Variants in GPC6 observed in about 807,000 individuals in gnomAD.
The protein encoded by GPC6 is glypican 6.
In GPC6, 14 loss-of-function variants were observed where a neutral mutation model predicts 55.2. That is an observed-to-expected ratio of 0.25 (90% CI 0.17 to 0.40). The LOEUF (loss-of-function observed/expected upper bound fraction) is 0.40, where lower values mean the gene tolerates loss of function less well. Among genes scored for constraint, GPC6 ranks in the 10% least tolerant of loss-of-function variants. The pLI, the probability that GPC6 is intolerant of heterozygous loss-of-function variation, is 1.00. For synonymous variants in GPC6, 278 were observed against 259.6 expected, an observed-to-expected ratio of 1.07 and a Z score of -0.68; for missense variants, 641 against 708.5, an observed-to-expected ratio of 0.90 and a Z score of 1.08.
At chr13:93,423,111 A>G (rs1876987251) in intron 1 of GPC6, among the ~76,000 whole-genome samples, 1 of 152,140 alleles carries the variant, frequency 6.6e-6, no homozygotes, top group Non-Finnish European at 1.5e-5. Context: ...CCTCTTTCAG[A>G]GTCCCTATAA....
intron 1 of GPC6, among the ~76,000 whole-genome samples, chr13:93,484,731 G>A (rs1193167320): frequency 6.6e-6 from 1 of 152,010 alleles, no homozygotes; most frequent in African/African-American, 2.4e-5. Context: ...TAAATTAAAT[G>A]ATAATGAAAT....
chr13:94,363,405 G>C (rs1014008283), intron 6 of GPC6, among the ~76,000 whole-genome samples: 1 of 152,120 alleles, frequency 6.6e-6, no homozygotes, highest in Non-Finnish European at 1.5e-5. Flanking sequence ...ACCTAACTTC[G>C]ATTCAGTTCT....
Position 93,393,868 on chromosome 13 carries a change from A to AT in GPC6, c.161-151385dup, listed in dbSNP as rs34053387. Among the ~76,000 whole-genome samples, 849 of 151,088 alleles carry AT rather than the reference A, an allele frequency of 5.6e-3. 5 individuals carry two copies. The highest frequency in any genetic ancestry group is 0.02 in the African/African-American group (812 of 41,042). ...TGTGGTTCATAGAAAGTCAACATTA[A>AT]TTTTTTTTTTCTTATTCCTTCCTCA... On this transcript the variant is annotated intron_variant, in intron 1 of 8. Coordinates refer to ENST00000377047, the MANE Select transcript of GPC6 (RefSeq NM_005708.5).
At chr13:93,984,877 G>T (rs1880955534) in intron 3 of GPC6, among the ~76,000 whole-genome samples, 1 of 152,122 alleles carries the variant, frequency 6.6e-6, no homozygotes, top group Admixed American at 6.5e-5. Flanking sequence ...AACTGGCTCT[G>T]AATTCATTTG....
chr13:93,854,606 G>T (rs1888532130), intron 3 of GPC6, among the ~76,000 whole-genome samples: 1 of 151,592 alleles, frequency 6.6e-6, no homozygotes, highest in Admixed American at 6.6e-5. Flanking sequence ...TTATATAGTT[G>T]AGATATTTTC....
intron 3 of GPC6, among the ~76,000 whole-genome samples, chr13:93,940,655 C>T (rs1188739526): frequency 6.6e-6 from 1 of 151,998 alleles, no homozygotes. Flanking sequence ...CCTGTAAAAT[C>T]CTTGATTTGA....
chr13:94,177,517 A>G (rs1386589419), intron 4 of GPC6, among the ~76,000 whole-genome samples: 1 of 152,176 alleles, frequency 6.6e-6, no homozygotes, highest in East Asian at 1.9e-4. Flanking sequence ...GAGTTAGCAA[A>G]CATCAAAGTA....
chr13:94,320,603 G>T (rs1876770829), intron 6 of GPC6, among the ~76,000 whole-genome samples: 1 of 152,100 alleles, frequency 6.6e-6, no homozygotes, highest in Non-Finnish European at 1.5e-5. Context: ...GTCACTTTAG[G>T]GAAGCCCTGT....
At chr13:94,288,932 TAGATAGATAGATAG>T (rs1874774646) in intron 5 of GPC6, among the ~76,000 whole-genome samples, 1 of 112,956 alleles carries the variant, frequency 8.9e-6, no homozygotes, top group Non-Finnish European at 1.7e-5. Flanking sequence ...ATAACAAATA[TAGATAGATAGATAG>T]ATAGATATAT....
chr13:93,438,656 C>G (rs1434959749), intron 1 of GPC6, among the ~76,000 whole-genome samples: 1 of 152,128 alleles, frequency 6.6e-6, no homozygotes, highest in Admixed American at 6.6e-5. Flanking sequence ...GTGAAGAAAA[C>G]AGTTTCTTGA....
chr13:93,927,043 C>A (rs1877896515), intron 3 of GPC6, among the ~76,000 whole-genome samples: 1 of 152,128 alleles, frequency 6.6e-6, no homozygotes, highest in Non-Finnish European at 1.5e-5. Flanking sequence ...ACACCTTCAC[C>A]TGGAGCAAAA....
intron 7 of GPC6, among the ~76,000 whole-genome samples, chr13:94,390,892 AAT>A (rs148726290): frequency 0.054 from 8,188 of 151,818 alleles, 654 homozygotes; most frequent in African/African-American, 0.18. Context: ...GGAAAAAAAA[AAT>A]AAATGTTAGG....
At chr13:93,476,865 A>G (rs575878209) in intron 1 of GPC6, among the ~76,000 whole-genome samples, 10 of 152,316 alleles carry the variant, frequency 6.6e-5, no homozygotes, top group Middle Eastern at 3.4e-3. Context: ...ATATGTGACT[A>G]TGAAACATGA....
chr13:93,381,051 G>A (rs931738545), intron 1 of GPC6, among the ~76,000 whole-genome samples: 6 of 152,108 alleles, frequency 3.9e-5, no homozygotes, highest in Admixed American at 1.3e-4. Flanking sequence ...AGCATAAATT[G>A]TGAGTCAGTC....
chr13:93,809,259 G>A (rs1025422699), intron 2 of GPC6, among the ~76,000 whole-genome samples: 1 of 152,202 alleles, frequency 6.6e-6, no homozygotes, highest in East Asian at 1.9e-4. Flanking sequence ...CCCAGGATCA[G>A]TGACCATACG....
chr13:94,146,570 C>G (rs1293561083), intron 4 of GPC6, among the ~76,000 whole-genome samples: 1 of 152,028 alleles, frequency 6.6e-6, no homozygotes, highest in Non-Finnish European at 1.5e-5. Context: ...TTTTTCAAAT[C>G]TCAGGTTGCA....
rs1031878532 is a variant in GPC6, at chr13:94,111,528, A to G, written c.877+83634A>G. ...AATAATAATAAACTTCTTAATTTAA[A>G]AAAACTCTATTTACTCATGGACATT... is the stretch of plus-strand genomic sequence containing the variant. On this transcript the variant is annotated intron_variant, in intron 4 of 8. Coordinates refer to ENST00000377047, the MANE Select transcript of GPC6 (RefSeq NM_005708.5). 6.0e-5 allele frequency among the ~76,000 whole-genome samples: 9 copies of G among 150,430 alleles called. No individual in the cohort carries two copies. The East Asian group carries it at 1.8e-3, about 29-fold the overall frequency.
intron 4 of GPC6, among the ~76,000 whole-genome samples, chr13:94,284,800 TTTGA>T (rs1005703416): frequency 6.6e-6 from 1 of 152,070 alleles, no homozygotes; most frequent in African/African-American, 2.4e-5. Context: ...CAACAGGTAT[TTTGA>T]TTAATAAGAA....
intron 4 of GPC6, among the ~76,000 whole-genome samples, chr13:94,086,534 G>A (rs1885288808): frequency 6.6e-6 from 1 of 151,946 alleles, no homozygotes; most frequent in Admixed American, 6.6e-5. Context: ...ATGGGTCTTA[G>A]AAATTATAAG....
Sources: gnomAD v4.1 joint callset for allele counts (sites outside exome capture counted in the v4.1 genomes callset) on GRCh38, gnomAD v4.1.1 for gene constraint, MANE v1.5 for transcripts, NCBI Gene and HGNC (gene_info 2026-07-23, HGNC 2026-07-21) for gene names.